Variants in CCDC85A observed in about 807,000 individuals in gnomAD.
The protein encoded by CCDC85A is coiled-coil domain-containing protein 85A.
A neutral mutation model predicts 50.2 loss-of-function variants in CCDC85A; 38 were observed. That is an observed-to-expected ratio of 0.76 (90% confidence interval 0.58 to 0.99). The LOEUF (loss-of-function observed/expected upper bound fraction) is 0.99. CCDC85A is among the 50% of genes least tolerant of loss of function. CCDC85A has a pLI of 0.00. For missense variants in CCDC85A, 820 were observed against 742.0 expected (o/e 1.11, Z -1.22); for synonymous variants, 366 against 301.4 (o/e 1.21, Z -2.22).
intron 2 of CCDC85A, among the ~76,000 whole-genome samples, chr2:56,259,814 TAC>T (rs1399415309): frequency 6.6e-6 from 1 of 152,202 alleles, no homozygotes; most frequent in African/African-American, 2.4e-5. Context: ...GCCTCTTCAG[TAC>T]TGATGATGAC....
chr2:56,344,904 A>G (rs1674558669), intron 3 of CCDC85A, among the ~76,000 whole-genome samples: 1 of 150,744 alleles, frequency 6.6e-6, no homozygotes, highest in East Asian at 1.9e-4. Flanking sequence ...CAAACAGCAA[A>G]CTAATAGCAT....
chr2:56,316,578 C>G (rs747429944), intron 2 of CCDC85A, among the ~76,000 whole-genome samples: 1 of 151,916 alleles, frequency 6.6e-6, no homozygotes, highest in East Asian at 1.9e-4. Context: ...TCTTAGTACT[C>G]GAAAAAACTC....
intron 2 of CCDC85A, 38 bp from the exon 3 acceptor site, chr2:56,342,841 C>G (rs1429434939): frequency 7.4e-7 from 1 of 1,351,102 alleles, no homozygotes; most frequent in South Asian, 1.3e-5. Context: ...CAAACAAGAC[C>G]TGTGTGTATA....
intron 2 of CCDC85A, among the ~76,000 whole-genome samples, chr2:56,233,314 C>A (rs1236210760): frequency 6.6e-6 from 1 of 152,160 alleles, no homozygotes; most frequent in Non-Finnish European, 1.5e-5. Context: ...CTTTCTTACT[C>A]CAGAGCTTGT....
At chr2:56,372,584 A>G (rs1205302495) in intron 4 of CCDC85A, 106 bp downstream of exon 4, 3 of 1,257,118 alleles carry the variant, frequency 2.4e-6, no homozygotes, top group Middle Eastern at 2.1e-4. Context: ...GTTCATACAC[A>G]TGAAAGAAAG....
At chr2:56,217,263 CT>C (rs1668098492) in intron 2 of CCDC85A, among the ~76,000 whole-genome samples, 1 of 151,910 alleles carries the variant, frequency 6.6e-6, no homozygotes, top group Non-Finnish European at 1.5e-5. Flanking sequence ...ATATACACCT[CT>C]TCGTCTCCCT....
chr2:56,355,935 C>A (rs1205771813), intron 3 of CCDC85A, among the ~76,000 whole-genome samples: 2 of 152,172 alleles, frequency 1.3e-5, no homozygotes, highest in Admixed American at 6.5e-5. Flanking sequence ...TCTGGACTTA[C>A]ATAAAAGCTG....
At chr2:56,362,919 G>A (rs376222438) in intron 3 of CCDC85A, among the ~76,000 whole-genome samples, 10 of 151,984 alleles carry the variant, frequency 6.6e-5, no homozygotes, top group East Asian at 5.8e-4. Context: ...CATTGCTCCC[G>A]GCCCCATTTA....
rs1293409392 is a variant in CCDC85A, at chr2:56,184,182, C to T, written c.-443C>T. 203 of 987,704 alleles carry T rather than the reference C, an allele frequency of 2.1e-4. No homozygotes were observed. Among genetic ancestry groups the T allele is most frequent in the Non-Finnish European group, 2.3e-4 (190 of 831,768 alleles). 61.2% of individuals were successfully genotyped at this position (987,704 alleles called of 1,614,324 possible). On this transcript the variant is annotated 5_prime_UTR_variant, in exon 1 of 6. Coordinates refer to ENST00000407595, the MANE Select transcript of CCDC85A (RefSeq NM_001080433.2). The stretch of plus-strand genomic sequence containing the variant: ...AGAGGGGAGAAGCCGGGGGCTGCAG[C>T]TGGGCAAGGGGGAGGAAAGTGCGTG...
chr2:56,218,190 A>G (rs1362140289), intron 2 of CCDC85A, among the ~76,000 whole-genome samples: 2 of 152,056 alleles, frequency 1.3e-5, no homozygotes, highest in East Asian at 3.9e-4. Flanking sequence ...CTGCAGATAA[A>G]CAGTGCTAAA....
At chr2:56,352,658 A>C (rs1338533659) in intron 3 of CCDC85A, among the ~76,000 whole-genome samples, 1 of 152,166 alleles carries the variant, frequency 6.6e-6, no homozygotes, top group Non-Finnish European at 1.5e-5. Context: ...ACTTTCTTAA[A>C]TTACATTTGA....
chr2:56,373,083 AT>A, intron 4 of CCDC85A, among the ~76,000 whole-genome samples: 1 of 152,350 alleles, frequency 6.6e-6, no homozygotes, highest in East Asian at 1.9e-4. Context: ...CTTTTATTTT[AT>A]AGTACTAAAT....
chr2:56,301,505 G>A (rs971481502), intron 2 of CCDC85A, among the ~76,000 whole-genome samples: 1 of 152,116 alleles, frequency 6.6e-6, no homozygotes, highest in Non-Finnish European at 1.5e-5. Flanking sequence ...TGATACAGAG[G>A]TATATAAGAA....
At position 56,228,228 on chromosome 2, in the gene CCDC85A, A is replaced by C. The variant is rs1668623208; in HGVS notation, c.1240+34788A>C. 2.0e-5 allele frequency among the ~76,000 whole-genome samples: 3 copies of C among 152,220 alleles called. No individual in the cohort carries two copies. The South Asian group carries it at 6.2e-4, about 32-fold the overall frequency. On this transcript the variant is annotated intron_variant, in intron 2 of 5. Coordinates refer to ENST00000407595, the MANE Select transcript of CCDC85A (RefSeq NM_001080433.2). ...ACTGTGCCCTAATTTCCTTATCTGTAAATTGACGAGTTGATGGGTGCAGCA... is the reference window on the plus strand; with the variant it reads ...ACTGTGCCCTAATTTCCTTATCTGTCAATTGACGAGTTGATGGGTGCAGCA...
At chr2:56,343,066 TTG>T in intron 3 of CCDC85A, 111 bp downstream of exon 3, 4 of 712,618 alleles carry the variant, frequency 5.6e-6, no homozygotes, top group Non-Finnish European at 9.5e-6. Flanking sequence ...AGAAATCATT[TTG>T]TAAATAGCCA....
intron 2 of CCDC85A, among the ~76,000 whole-genome samples, chr2:56,288,474 TA>T (rs1671548978): frequency 6.6e-6 from 1 of 152,176 alleles, no homozygotes; most frequent in Non-Finnish European, 1.5e-5. Context: ...ATGAAGTTAT[TA>T]TGAAGTAAGT....
chr2:56,259,385 G>A (rs72923450), intron 2 of CCDC85A, among the ~76,000 whole-genome samples: 6,536 of 152,202 alleles, frequency 0.043, 479 homozygotes, highest in African/African-American at 0.15. Context: ...TGGCTTCCCC[G>A]GCACCATATC....
intron 3 of CCDC85A, among the ~76,000 whole-genome samples, chr2:56,358,526 G>A (rs1675350894): frequency 6.6e-6 from 1 of 152,130 alleles, no homozygotes; most frequent in Non-Finnish European, 1.5e-5. Flanking sequence ...CAAAGAGCCA[G>A]GTAGTAAATA....
intron 2 of CCDC85A, among the ~76,000 whole-genome samples, chr2:56,253,047 A>ATAAC (rs1437464046): frequency 3.5e-4 from 49 of 141,320 alleles, no homozygotes; most frequent in Middle Eastern, 3.5e-3. Flanking sequence ...AATAAATAAC[A>ATAAC]AAAAAAGTAA....
Sources: allele counts gnomAD v4.1 joint callset (sites outside exome capture counted in the v4.1 genomes callset), GRCh38; gene constraint gnomAD v4.1.1; transcripts MANE v1.5; gene names NCBI Gene and HGNC (gene_info 2026-07-23, HGNC 2026-07-21).